ST18: variants seen among roughly 807,000 people sequenced by gnomAD.
ST18 encodes the protein ST18 C2H2C-type zinc finger transcription factor.
In ST18, 50 loss-of-function variants were observed where a neutral mutation model predicts 110.0. The ratio of observed to expected loss-of-function variants is 0.45; its 90% CI spans 0.36 to 0.58. The LOEUF (loss-of-function observed/expected upper bound fraction) is 0.58. Ranked by LOEUF, ST18 falls within the 20% of genes least tolerant of loss-of-function variation. The pLI is 0.00. For synonymous variants in ST18, 461 were observed against 452.4 expected (o/e 1.02, Z -0.24); for missense variants, 1,306 against 1,280.1 (o/e 1.02, Z -0.31).
rs1588577606 is a variant in ST18, at chr8:52,212,222, G to C, written c.56-113C>G. On this transcript the variant is annotated intron_variant, in intron 7 of 25. Coordinates refer to ENST00000689386, the MANE Select transcript of ST18 (RefSeq NM_001352837.2). Reference sequence around the variant, plus strand: ...TAACGACCAATAAGTTTCTCACTGGGTGGGTTCATCTTTTCTTGTTCTAGT... The same window carrying C: ...TAACGACCAATAAGTTTCTCACTGGCTGGGTTCATCTTTTCTTGTTCTAGT... The C allele has an allele frequency of 1.2e-5, 12 of 971,040 alleles. No individual in the cohort carries two copies. The East Asian group carries it at 2.7e-4, about 22-fold the overall frequency. The allele number at this position is 971,040 out of a possible 1,614,324, so 60.2% of individuals were successfully genotyped here. A position where few individuals can be genotyped will look rare whatever the true frequency, so the allele number is the denominator to read the frequency against.
intron 2 of ST18, among the ~76,000 whole-genome samples, chr8:52,345,617 C>T (rs891180358): frequency 6.6e-6 from 1 of 152,210 alleles, no homozygotes; most frequent in East Asian, 1.9e-4. Context: ...GCTCTTCCAA[C>T]CACGCCTATA....
chr8:52,370,389 C>CGT (rs148125359), intron 2 of ST18, among the ~76,000 whole-genome samples: 3 of 149,318 alleles, frequency 2.0e-5, no homozygotes, highest in African/African-American at 5.1e-5. Context: ...TGCATGTGTG[C>CGT]GTGTGTGTGT....
intron 8 of ST18, among the ~76,000 whole-genome samples, chr8:52,196,397 A>T (rs560973417): frequency 4.6e-5 from 7 of 152,056 alleles, no homozygotes; most frequent in Admixed American, 3.9e-4. Flanking sequence ...TCACCCCACC[A>T]CGTAATTCAC....
At chr8:52,186,091 T>A (rs934198127) in intron 8 of ST18, among the ~76,000 whole-genome samples, 1 of 152,186 alleles carries the variant, frequency 6.6e-6, no homozygotes, top group Non-Finnish European at 1.5e-5. Flanking sequence ...CTCTTCTATA[T>A]GTATGTCATG....
At chr8:52,208,113 TAATAAGAAGATGAG>T (rs1490031914) in intron 8 of ST18, among the ~76,000 whole-genome samples, 1 of 152,218 alleles carries the variant, frequency 6.6e-6, no homozygotes, top group African/African-American at 2.4e-5. Flanking sequence ...ACATCGAGTA[TAATAAGAAGATGAG>T]AATGTCAGTA....
intron 2 of ST18, among the ~76,000 whole-genome samples, chr8:52,272,360 C>T (rs2095103142): frequency 6.8e-6 from 1 of 146,882 alleles, no homozygotes; most frequent in Non-Finnish European, 1.5e-5. Flanking sequence ...AAAAAAAAAT[C>T]TAATAACCCA....
At chr8:52,148,197 T>G (rs1320390614) in intron 16 of ST18, among the ~76,000 whole-genome samples, 1 of 151,658 alleles carries the variant, frequency 6.6e-6, no homozygotes. Flanking sequence ...TCATCAAATA[T>G]GTATTATTTT....
chr8:52,380,311 C>T (rs1348805092), intron 2 of ST18, among the ~76,000 whole-genome samples: 3 of 151,904 alleles, frequency 2.0e-5, no homozygotes, highest in Non-Finnish European at 2.9e-5. Context: ...TTTTCTTTTT[C>T]TAGCTAACTT....
chr8:52,397,688 T>C (rs1269949304), intron 2 of ST18, among the ~76,000 whole-genome samples: 1 of 152,164 alleles, frequency 6.6e-6, no homozygotes, highest in African/African-American at 2.4e-5. Context: ...TTTCCAGCAC[T>C]ATTTACTGAA....
intron 2 of ST18, among the ~76,000 whole-genome samples, chr8:52,370,074 T>C (rs1378173079): frequency 6.6e-6 from 1 of 152,202 alleles, no homozygotes; most frequent in African/African-American, 2.4e-5. Flanking sequence ...AGGTTAGCTG[T>C]GAGAGCTCAT....
intron 2 of ST18, among the ~76,000 whole-genome samples, chr8:52,327,839 C>T (rs913545230): frequency 6.6e-6 from 1 of 152,220 alleles, no homozygotes; most frequent in African/African-American, 2.4e-5. Context: ...AGGGCACACA[C>T]AAAGCCACTC....
intron 25 of ST18, among the ~76,000 whole-genome samples, chr8:52,115,549 A>G (rs995041445): frequency 6.6e-6 from 1 of 152,360 alleles, no homozygotes; most frequent in South Asian, 2.1e-4. Flanking sequence ...GTACACTAAC[A>G]TGCTGCACAG....
intron 2 of ST18, among the ~76,000 whole-genome samples, chr8:52,320,469 A>G (rs1803398774): frequency 6.6e-6 from 1 of 152,244 alleles, no homozygotes; most frequent in Non-Finnish European, 1.5e-5. Flanking sequence ...CATGTAATTC[A>G]CAAGGAATTC....
At chr8:52,384,262 G>A (rs1389635604) in intron 2 of ST18, among the ~76,000 whole-genome samples, 1 of 152,160 alleles carries the variant, frequency 6.6e-6, no homozygotes, top group Non-Finnish European at 1.5e-5. Flanking sequence ...CCTGATGTTA[G>A]CAGCATAATC....
intron 2 of ST18, among the ~76,000 whole-genome samples, chr8:52,276,694 G>C (rs908505499): frequency 2.6e-5 from 4 of 151,606 alleles, no homozygotes; most frequent in African/African-American, 7.3e-5. Flanking sequence ...ACTCCACAGG[G>C]AGTTAAATAC....
At chr8:52,200,989 T>C (rs1564022623) in intron 8 of ST18, 1 of 152,294 alleles carries the variant, frequency 6.6e-6, no homozygotes, top group South Asian at 2.1e-4. Flanking sequence ...TGTAAAATTA[T>C]GGACATACAA....
At chr8:52,127,337 T>C (rs969113628) in intron 22 of ST18, among the ~76,000 whole-genome samples, 7 of 152,160 alleles carry the variant, frequency 4.6e-5, no homozygotes, top group Admixed American at 2.6e-4. Context: ...AAGAAAATAA[T>C]GAAAAGCACA....
At position 52,266,513 on chromosome 8, in the gene ST18, A is replaced by G. The variant is rs566993947; in HGVS notation, c.-464-36436T>C. Among the ~76,000 whole-genome samples the G allele has an allele frequency of 5.3e-5, 8 of 150,504 alleles. No homozygotes were observed. The East Asian group carries it at 1.4e-3, about 26-fold the overall frequency. ...ATTTAGGATGGCAGGCAGATCTCAC[A>G]GGGGAAGGATCGCAGAGTTTCTGCC... On this transcript the variant is annotated intron_variant, in intron 2 of 25. Transcript: ENST00000689386.
intron 7 of ST18, among the ~76,000 whole-genome samples, chr8:52,212,628 G>A (rs1449429074): frequency 1.3e-5 from 2 of 152,036 alleles, no homozygotes; most frequent in Non-Finnish European, 2.9e-5. Context: ...GAACTTACAG[G>A]AAAAACAGCT....
Sources: allele counts gnomAD v4.1 joint callset (sites outside exome capture counted in the v4.1 genomes callset), GRCh38; gene constraint gnomAD v4.1.1; transcripts MANE v1.5; gene names NCBI Gene and HGNC (gene_info 2026-07-23, HGNC 2026-07-21).